EFCAB13: variants seen among roughly 807,000 people sequenced by gnomAD.
The protein encoded by EFCAB13 is EF-hand calcium binding domain 13, also known as EF-hand calcium-binding domain-containing protein 13.
In EFCAB13, 91 loss-of-function variants were observed where a neutral mutation model predicts 110.2. The ratio of observed to expected loss-of-function variants is 0.83; its 90% CI spans 0.70 to 0.98. The LOEUF (loss-of-function observed/expected upper bound fraction) is 0.98, where lower values mean the gene tolerates loss of function less well. Among genes scored for constraint, EFCAB13 ranks in the 50% least tolerant of loss-of-function variants. EFCAB13 has a pLI of 0.00. For synonymous variants in EFCAB13, 323 were observed against 369.9 expected, an observed-to-expected ratio of 0.87 and a Z score of 1.45; for missense variants, 968 against 1,119.4, an observed-to-expected ratio of 0.86 and a Z score of 1.93.
chr17:47,410,998 T>C (rs1462909975), intron 21 of EFCAB13, among the ~76,000 whole-genome samples: 2 of 152,206 alleles, frequency 1.3e-5, no homozygotes, highest in Non-Finnish European at 2.9e-5. Context: ...ACTTGCCTGG[T>C]ATCATTGGGC....
chr17:47,393,246 A>G (rs1353689881), intron 15 of EFCAB13, among the ~76,000 whole-genome samples: 1 of 152,196 alleles, frequency 6.6e-6, no homozygotes, highest in Non-Finnish European at 1.5e-5. Context: ...AAATTGGGAA[A>G]AAGTAAGAAA....
At position 47,414,810 on chromosome 17, in the gene EFCAB13, G is replaced by T. The variant is rs201926121; in HGVS notation, c.2423-38G>T. 9.3e-4 allele frequency: 1,276 copies of T among 1,379,422 alleles called. 1 individual carries two copies. The highest frequency in any genetic ancestry group is 2.5e-3 in the Middle Eastern group (14 of 5,634). 85.4% of individuals were successfully genotyped at this position (1,379,422 alleles called of 1,614,324 possible). On this transcript the variant is annotated intron_variant, in intron 22 of 24. Coordinates refer to ENST00000331493, the MANE Select transcript of EFCAB13 (RefSeq NM_152347.5). ...TATTTCATGTGCCAATTCAGTATCAGGTTTTTAATGTCAGCATTTTTTACT... is the reference window on the plus strand; with the variant it reads ...TATTTCATGTGCCAATTCAGTATCATGTTTTTAATGTCAGCATTTTTTACT...
At chr17:47,413,792 C>A (rs536419634) in intron 22 of EFCAB13, among the ~76,000 whole-genome samples, 1 of 152,132 alleles carries the variant, frequency 6.6e-6, no homozygotes, top group Non-Finnish European at 1.5e-5. Flanking sequence ...TTATTTGAGT[C>A]AATAAATATA....
At chr17:47,412,977 T>C in intron 22 of EFCAB13, 61 bp downstream of exon 22, 1 of 1,550,704 alleles carries the variant, frequency 6.4e-7, no homozygotes, top group South Asian at 1.2e-5. Flanking sequence ...AAAATAGTCT[T>C]AGAGTGTACC....
rs996687191 is a variant in EFCAB13 at position 47,415,885 on chromosome 17, G to C, written c.2494+966G>C. 9.2e-5 allele frequency among the ~76,000 whole-genome samples: 14 copies of C among 151,902 alleles called. 1 individual carries two copies. The East Asian group carries it at 2.7e-3, about 29-fold the overall frequency. On this transcript the variant is annotated intron_variant, in intron 23 of 24. Transcript: ENST00000331493. ...ACTTCTGCTTGGCCTCTGTCCCTGA[G>C]GTTCGTCTTATTCTTTTTGAAATTA...
intron 13 of EFCAB13, among the ~76,000 whole-genome samples, chr17:47,378,148 C>T (rs1325996304): frequency 6.6e-6 from 1 of 152,170 alleles, no homozygotes; most frequent in African/African-American, 2.4e-5. Flanking sequence ...ATCACTATCC[C>T]TATCTGTGCC....
At chr17:47,345,347 T>C (rs909979951) in intron 8 of EFCAB13, among the ~76,000 whole-genome samples, 1 of 152,112 alleles carries the variant, frequency 6.6e-6, no homozygotes, top group Non-Finnish European at 1.5e-5. Context: ...AATGTATTTT[T>C]TGGAAAAATG....
At position 47,374,824 on chromosome 17, in the gene EFCAB13, G is replaced by A. The variant is rs1447933049; in HGVS notation, c.1230G>A (p.Leu410=). Residue 410 remains leucine (L), a synonymous_variant, in exon 12 of 25, where the codon TTG becomes TTA. Coordinates refer to ENST00000331493, the MANE Select transcript of EFCAB13 (RefSeq NM_152347.5). ...IHDSKSKPQS[L]KSSTSLSKSL... is the part of the protein sequence containing the mutation. ...ACTCAAAGTCTAAACCACAAAGCTT[G>A]AAGAGTAGTACAAGCCTCAGTAAGT... The A allele has an allele frequency of 8.7e-6, 14 of 1,613,908 alleles. No homozygotes were observed. The highest frequency in any genetic ancestry group is 1.2e-5 in the Non-Finnish European group (14 of 1,179,996).
intron 24 of EFCAB13, among the ~76,000 whole-genome samples, chr17:47,436,879 T>C (rs1419938063): frequency 2.6e-5 from 4 of 152,100 alleles, no homozygotes; most frequent in African/African-American, 7.2e-5. Flanking sequence ...TTTGTGCTCT[T>C]TCAGTCTTTT....
At chr17:47,368,081 C>A (rs952251588) in intron 10 of EFCAB13, among the ~76,000 whole-genome samples, 1 of 152,078 alleles carries the variant, frequency 6.6e-6, no homozygotes, top group African/African-American at 2.4e-5. Flanking sequence ...ATATAATGAT[C>A]AGTGGCAGAA....
chr17:47,341,898 A>G (rs776310682), intron 5 of EFCAB13, 23 bp from the exon 6 acceptor site: 1 of 1,300,276 alleles, frequency 7.7e-7, no homozygotes, highest in Non-Finnish European at 1.1e-6. Flanking sequence ...TTCAAGAATG[A>G]TTCCAATTTC....
chr17:47,369,412 G>A (rs1178980103), intron 10 of EFCAB13, among the ~76,000 whole-genome samples: 2 of 152,164 alleles, frequency 1.3e-5, no homozygotes, highest in Non-Finnish European at 2.9e-5. Context: ...TAGTCAGGAT[G>A]TTCAACATCA....
At chr17:47,334,970 C>T (rs1414751729) in intron 4 of EFCAB13, among the ~76,000 whole-genome samples, 10 of 152,072 alleles carry the variant, frequency 6.6e-5, no homozygotes, top group Admixed American at 1.3e-4. Context: ...AAATGATGTT[C>T]TTTTATAGCT....
intron 23 of EFCAB13, among the ~76,000 whole-genome samples, chr17:47,416,808 A>G (rs1904466832): frequency 6.6e-6 from 1 of 152,224 alleles, no homozygotes; most frequent in East Asian, 1.9e-4. Context: ...TGACTCTTGA[A>G]CAATGTGGGG....
At chr17:47,370,575 T>A in intron 11 of EFCAB13, 67 bp downstream of exon 11, 1 of 1,064,624 alleles carries the variant, frequency 9.4e-7, no homozygotes, top group Non-Finnish European at 1.4e-6. Context: ...AAATCTTAAT[T>A]TATAAGTTTT....
chr17:47,362,961 G>A lies in EFCAB13; in HGVS notation c.805+1440G>A, dbSNP rs147215579. On this transcript the variant is annotated intron_variant, in intron 10 of 24. Transcript: ENST00000331493. ...CGCATCTTGGTGGTAGTGGTACCCC[G>A]GGCCCAGCTGTCTTTTCTTTTATCT... Among the ~76,000 whole-genome samples, 687 of 152,212 alleles carry A rather than the reference G, an allele frequency of 4.5e-3. 20 individuals carry two copies. In the East Asian group the frequency reaches 0.066, roughly 15 times the overall value.
At chr17:47,370,382 G>A (rs141426762) in intron 10 of EFCAB13, 55 bp from the exon 11 acceptor site, 8 of 1,163,198 alleles carry the variant, frequency 6.9e-6, no homozygotes, top group Middle Eastern at 1.9e-4. Context: ...GAATAGGATG[G>A]CAGATATATC....
At chr17:47,352,051 G>A (rs1264693142) in intron 9 of EFCAB13, among the ~76,000 whole-genome samples, 13 of 151,612 alleles carry the variant, frequency 8.6e-5, no homozygotes, top group Admixed American at 4.6e-4. Flanking sequence ...ACAGGTGCCC[G>A]CCACCACGCC....
rs2065724704 is a variant in EFCAB13, at chr17:47,394,110, A to G, written c.1801+11A>G. ...TCTCTGAAAAATTAGGTACGTAAGA[A>G]TATCATGTCTTCTGCTTTTTGTGGA... On this transcript the variant is annotated intron_variant, in intron 16 of 24. Transcript: ENST00000331493. 1 of 1,484,774 alleles carries G rather than the reference A, an allele frequency of 6.7e-7. No homozygotes were observed. 92.0% of individuals were successfully genotyped at this position (1,484,774 alleles called of 1,614,324 possible). A position where few individuals can be genotyped will look rare whatever the true frequency, so the allele number is the denominator to read the frequency against.
Sources: allele counts gnomAD v4.1 joint callset (sites outside exome capture counted in the v4.1 genomes callset), GRCh38; gene constraint gnomAD v4.1.1; transcripts MANE v1.5; gene names NCBI Gene and HGNC (gene_info 2026-07-23, HGNC 2026-07-21).